The following ABCD4 variants were observed in gnomAD, a reference collection of about 807,000 sequenced individuals.
The protein encoded by ABCD4 is lysosomal cobalamin transporter ABCD4.
In ABCD4, 53 loss-of-function variants were observed where a neutral mutation model predicts 86.3. The ratio of observed to expected loss-of-function variants is 0.61; its 90% CI spans 0.49 to 0.77. ABCD4 has a LOEUF of 0.77. ABCD4 is among the 30% of genes least tolerant of loss of function. The pLI, the probability that ABCD4 is intolerant of heterozygous loss-of-function variation, is 0.00. For missense variants in ABCD4, 757 were observed against 764.5 expected, an observed-to-expected ratio of 0.99 and a Z score of 0.12; for synonymous variants, 328 against 313.6, an observed-to-expected ratio of 1.05 and a Z score of -0.49.
In ABCD4 at chr14:74,289,471, G is replaced by A; in HGVS notation, c.1456+12C>T. 6.2e-7 allele frequency: 1 copy of A among 1,613,826 alleles called. No individual in the cohort carries two copies. Among genetic ancestry groups the A allele is most frequent in the Non-Finnish European group, 8.5e-7 (1 of 1,179,894 alleles). The stretch of plus-strand genomic sequence containing the variant: ...AGAAGGAGAGGACATGACCTAAGGA[G>A]GACCAGCTCACCTGAGTCGGGGTAG... On this transcript the variant is annotated intron_variant, in intron 14 of 18. Transcript: ENST00000356924.
In ABCD4 at chr14:74,288,192, A is replaced by G; in HGVS notation, c.1559+15T>C. ...TGGTGGGGCTATCTCTGGAGCACCC[A>G]AGCTCTTTTCTTACCAGTTCCAGTC... On this transcript the variant is annotated intron_variant, in intron 16 of 18. Coordinates refer to ENST00000356924, the MANE Select transcript of ABCD4 (RefSeq NM_005050.4). 1.2e-6 allele frequency: 2 copies of G among 1,612,188 alleles called. No homozygotes were observed. Among genetic ancestry groups the G allele is most frequent in the Non-Finnish European group, 1.7e-6 (2 of 1,179,214 alleles).
chr14:74,293,066 C>G, intron 8 of ABCD4, 88 bp downstream of exon 8: 1 of 1,487,426 alleles, frequency 6.7e-7, no homozygotes, highest in South Asian at 1.2e-5. Flanking sequence ...GCACATTTAT[C>G]CTTGCAGACA....
intron 11 of ABCD4, among the ~76,000 whole-genome samples, chr14:74,292,067 T>C (rs2081632109): frequency 6.6e-6 from 1 of 151,050 alleles, no homozygotes; most frequent in Non-Finnish European, 1.5e-5. Context: ...AGAAGGTGTG[T>C]GTACTTTGCT....
At chr14:74,286,919 T>C (rs2079926138) in intron 17 of ABCD4, 103 bp from the exon 18 acceptor site, 4 of 1,086,526 alleles carry the variant, frequency 3.7e-6, no homozygotes, top group Non-Finnish European at 5.3e-6. Context: ...CAGGGGAGGC[T>C]GAAAGCTGCT....
Position 74,289,760 on chromosome 14 carries a change from C to T in ABCD4, c.1420-241G>A, listed in dbSNP as rs945169489. ...TCCTGAGGGCAGGGGCCCCAGAATC[C>T]GACCTTGGGTGTTTGACATACGCGT... On this transcript the variant is annotated intron_variant, in intron 13 of 18. Transcript: ENST00000356924. 4.2e-5 allele frequency: 60 copies of T among 1,433,836 alleles called. No individual in the cohort carries two copies. The East Asian group carries it at 5.3e-4, about 13-fold the overall frequency. 88.8% of individuals were successfully genotyped at this position (1,433,836 alleles called of 1,614,324 possible).
At chr14:74,292,251 C>T in intron 11 of ABCD4, 36 bp downstream of exon 11, 1 of 1,603,460 alleles carries the variant, frequency 6.2e-7, no homozygotes. Flanking sequence ...CCACAGCCTG[C>T]AGCCTCAACT....
At position 74,302,000 on chromosome 14, in the gene ABCD4, T is replaced by G. The variant is rs571048074; in HGVS notation, c.38+875A>C. Among the ~76,000 whole-genome samples the G allele has an allele frequency of 2.0e-5, 3 of 147,682 alleles. No individual in the cohort carries two copies. In the South Asian group the frequency reaches 6.5e-4, roughly 32 times the overall value. ...TACAAAACCAGCCGCCACTGAACGATGGAGGGATACCGGGAAACAGGAAGC... is the reference window on the plus strand; with the variant it reads ...TACAAAACCAGCCGCCACTGAACGAGGGAGGGATACCGGGAAACAGGAAGC... On this transcript the variant is annotated intron_variant, in intron 1 of 18. Transcript: ENST00000356924.
intron 13 of ABCD4, 49 bp downstream of exon 13, chr14:74,289,978 G>T: frequency 6.2e-7 from 1 of 1,612,794 alleles, no homozygotes. Flanking sequence ...CCCAGCTGTG[G>T]GTGGGCGGGG....
Position 74,289,986 on chromosome 14 carries a change from G to A in ABCD4, c.1419+41C>T, listed in dbSNP as rs768372449. 3.7e-6 allele frequency: 6 copies of A among 1,613,520 alleles called. No homozygotes were observed. In the African/African-American group the frequency reaches 5.3e-5, roughly 14 times the overall value. ...CAGAGGTCCCAGCTGTGGGTGGGCG[G>A]GGTTGAGGAGGGAGGAGTGAGCCCC... On this transcript the variant is annotated intron_variant, in intron 13 of 18. Transcript: ENST00000356924.
chr14:74,292,485 A>G, intron 10 of ABCD4, 66 bp downstream of exon 10: 1 of 1,595,230 alleles, frequency 6.3e-7, no homozygotes, highest in Non-Finnish European at 8.6e-7. Flanking sequence ...TCCTTTTTTC[A>G]CTCAGCCACT....
At chr14:74,301,810 A>T (rs1432549177) in intron 1 of ABCD4, among the ~76,000 whole-genome samples, 1 of 152,158 alleles carries the variant, frequency 6.6e-6, no homozygotes, top group African/African-American at 2.4e-5. Flanking sequence ...CTGAGGCAGA[A>T]GAATCGCTTG....
chr14:74,288,115 G>A, intron 16 of ABCD4, 92 bp downstream of exon 16: 1 of 1,405,476 alleles, frequency 7.1e-7, no homozygotes, highest in Non-Finnish European at 9.8e-7. Flanking sequence ...TGGACTTTGG[G>A]GTCAGGAGCC....
chr14:74,295,205 G>A lies in ABCD4; in HGVS notation c.669-7C>T, dbSNP rs371152472. On this transcript the variant is annotated splice_polypyrimidine_tract_variant and splice_region_variant and intron_variant, in intron 6 of 18. Coordinates refer to ENST00000356924, the MANE Select transcript of ABCD4 (RefSeq NM_005050.4). Reference sequence around the variant, plus strand: ...AATCTGCATGTGCTTGAACCTGGGCGGACCAAAGGGAAATGTGTGCTGACA... The same window carrying A: ...AATCTGCATGTGCTTGAACCTGGGCAGACCAAAGGGAAATGTGTGCTGACA... The A allele has an allele frequency of 1.2e-5, 19 of 1,614,092 alleles. No homozygotes were observed. Among genetic ancestry groups the A allele is most frequent in the African/African-American group, 4.0e-5 (3 of 74,938 alleles).
Position 74,295,180 on chromosome 14 carries a change from A to C in ABCD4, c.687T>G (p.Ile229Met), listed in dbSNP as rs1313077247. The C allele has an allele frequency of 1.9e-6, 3 of 1,614,202 alleles. No homozygotes were observed. Among genetic ancestry groups the C allele is most frequent in the East Asian group, 2.2e-5 (1 of 44,878 alleles). Residue 229 changes from isoleucine (I) to methionine (M), a missense_variant, in exon 7 of 19, where the codon ATT becomes ATG. By Grantham distance (10) the Ile-to-Met change is conservative. Transcript: ENST00000356924. ...AAGCAGCAGGCTCCGCATTCACCCG[A>C]ATCTGCATGTGCTTGAACCTGGGCG... ...EGDFRFKHMQ[I>M]RVNAEPAAFY...
chr14:74,289,719 G>T (rs567502061), intron 13 of ABCD4, 200 bp from the exon 14 acceptor site: 29 of 1,437,110 alleles, frequency 2.0e-5, no homozygotes, highest in Non-Finnish European at 2.5e-5. Flanking sequence ...TGTTTAGGGG[G>T]AACAGTCTGA....
At chr14:74,295,682 C>G (rs1009154449) in intron 6 of ABCD4, 172 bp downstream of exon 6, 1 of 823,010 alleles carries the variant, frequency 1.2e-6, no homozygotes, top group Non-Finnish European at 1.9e-6. Flanking sequence ...GCAACGGTAC[C>G]ATTTCCACTT....
intron 13 of ABCD4, 48 bp from the exon 14 acceptor site, chr14:74,289,567 C>T (rs182471734): frequency 4.5e-5 from 72 of 1,606,380 alleles, no homozygotes; most frequent in Non-Finnish European, 5.1e-5. Flanking sequence ...GAGCAAAAGA[C>T]GGAGCTGCAC....
chr14:74,293,457 C>A, intron 7 of ABCD4: 3 of 475,402 alleles, frequency 6.3e-6, no homozygotes, highest in South Asian at 4.1e-5. Flanking sequence ...TAGAGTTGGG[C>A]AGACCTAGTT....
At chr14:74,291,192 A>C (rs902596398) in intron 11 of ABCD4, among the ~76,000 whole-genome samples, 12 of 152,212 alleles carry the variant, frequency 7.9e-5, no homozygotes, top group African/African-American at 2.9e-4. Flanking sequence ...ATAAGCATCC[A>C]GAATTGTGAG....
Sources: gnomAD v4.1 joint callset for allele counts (sites outside exome capture counted in the v4.1 genomes callset) on GRCh38, gnomAD v4.1.1 for gene constraint, MANE v1.5 for transcripts, NCBI Gene and HGNC (gene_info 2026-07-23, HGNC 2026-07-21) for gene names.